ANO3: variants seen among roughly 807,000 people sequenced by gnomAD.
ANO3 encodes anoctamin-3.
ANO3 carries 99 observed loss-of-function variants against 144.8 expected under a neutral mutation model. That is an observed-to-expected ratio of 0.68 (90% CI 0.58 to 0.81). ANO3 has a LOEUF of 0.81. Among genes scored for constraint, ANO3 ranks in the 30% least tolerant of loss-of-function variants. ANO3 has a pLI of 0.00. For missense variants in ANO3, 905 were observed against 1,202.2 expected (o/e 0.75, Z 3.66); for synonymous variants, 414 against 392.6 (o/e 1.05, Z -0.64).
In ANO3 at chr11:26,460,195, C is replaced by G. The variant is rs149525592; in HGVS notation, c.314-2835C>G. ...ATTATTTGTTTTCTTAGTTAATTTA[C>G]TTCAATTTTTCTACTTCTGTTATAT... On this transcript the variant is annotated intron_variant, in intron 3 of 26. Coordinates refer to ENST00000256737, the MANE Select transcript of ANO3 (RefSeq NM_031418.4). The G allele has an allele frequency of 4.7e-3, 1,736 of 368,954 alleles. 35 individuals are homozygous for G. The highest frequency in any genetic ancestry group is 0.034 in the African/African-American group (1,551 of 46,044). The allele number at this position is 368,954 out of a possible 1,614,324, so 22.9% of individuals were successfully genotyped here.
intron 1 of ANO3, among the ~76,000 whole-genome samples, chr11:26,420,401 G>T (rs968212303): frequency 2.0e-5 from 3 of 151,948 alleles, no homozygotes; most frequent in African/African-American, 7.2e-5. Context: ...GATTCATCCT[G>T]CCCCTCTTAC....
At chr11:26,309,081 G>A (rs1854449519), upstream of ANO3, among the ~76,000 whole-genome samples, 1 of 152,074 alleles carries the variant, frequency 6.6e-6, no homozygotes, top group Non-Finnish European at 1.5e-5. Context: ...TTTTTTAATA[G>A]GAATGATTGT....
At chr11:26,224,568 T>C (rs895153504) in intron 1 of ANO3, among the ~76,000 whole-genome samples, 2 of 152,210 alleles carry the variant, frequency 1.3e-5, no homozygotes, top group African/African-American at 4.8e-5. Context: ...GCACACTGCT[T>C]CATCCAGTGG....
intron 1 of ANO3, among the ~76,000 whole-genome samples, chr11:26,226,448 T>C (rs1852259090): frequency 1.3e-5 from 2 of 152,142 alleles, no homozygotes; most frequent in Admixed American, 1.3e-4. Flanking sequence ...AATATATGAA[T>C]GAAAAACAAA....
At chr11:26,563,466 C>T (rs144443295) in intron 14 of ANO3, among the ~76,000 whole-genome samples, 4 of 149,236 alleles carry the variant, frequency 2.7e-5, no homozygotes, top group East Asian at 2.0e-4. Context: ...TATGGGCAAA[C>T]GTATTTGTTG....
rs1328131447 is a variant in ANO3 at position 26,293,541 on chromosome 11, A to ATATATATC, written c.155-16097_155-16096insCTATATAT. On this transcript the variant is annotated intron_variant, in intron 1 of 27. Transcript: ENST00000672621. ...GGGTCTATAAATTCCATGTATATAT[A>ATATATATC]TATATATATATATATATATATATAT... Among the ~76,000 whole-genome samples the ATATATATC allele has an allele frequency of 1.3e-4, 14 of 105,564 alleles. No homozygotes were observed. The South Asian group carries it at 2.4e-3, about 18-fold the overall frequency. The allele number at this position is 105,564 out of a possible 152,430, so 69.3% of individuals were successfully genotyped here.
chr11:26,538,493 A>G (rs1849567113), intron 10 of ANO3, among the ~76,000 whole-genome samples: 1 of 152,208 alleles, frequency 6.6e-6, no homozygotes, highest in African/African-American at 2.4e-5. Flanking sequence ...ACAGCTGAAG[A>G]AACAAAGCTC....
At chr11:26,304,890 C>T (rs1404265640), upstream of ANO3, among the ~76,000 whole-genome samples, 2 of 152,012 alleles carry the variant, frequency 1.3e-5, no homozygotes, top group African/African-American at 4.8e-5. Context: ...TACCAAATTG[C>T]TCTCCAACCA....
At chr11:26,467,966 G>T (rs936388104) in intron 4 of ANO3, among the ~76,000 whole-genome samples, 1 of 151,784 alleles carries the variant, frequency 6.6e-6, no homozygotes, top group Non-Finnish European at 1.5e-5. Context: ...TTTTAAGATG[G>T]TTTGGGTAAA....
At position 26,383,888 on chromosome 11, in the gene ANO3, C is replaced by CTTTT. The variant is rs61094091; in HGVS notation, c.46+51591_46+51594dup. The stretch of plus-strand genomic sequence containing the variant: ...CATTGTTCTTGTGCCATGCATTGTT[C>CTTTT]TTTTTTTTTTTTTTTTTTTTTTTTT... On this transcript the variant is annotated intron_variant, in intron 1 of 26. Transcript: ENST00000256737. Among the ~76,000 whole-genome samples, 180 of 70,170 alleles carry CTTTT rather than the reference C, an allele frequency of 2.6e-3. 43 individuals carry two copies. The highest frequency in any genetic ancestry group is 4.2e-3 in the African/African-American group (74 of 17,744). The allele number at this position is 70,170 out of a possible 152,430, so 46.0% of individuals were successfully genotyped here. A position where few individuals can be genotyped will look rare whatever the true frequency, so the allele number is the denominator to read the frequency against.
At chr11:26,408,730 G>C (rs1458353696) in intron 1 of ANO3, among the ~76,000 whole-genome samples, 1 of 151,024 alleles carries the variant, frequency 6.6e-6, no homozygotes, top group Non-Finnish European at 1.5e-5. Context: ...CAACCCAAAT[G>C]TCCAACAATG....
chr11:26,470,943 C>T (rs1859759721), intron 4 of ANO3, among the ~76,000 whole-genome samples: 1 of 152,032 alleles, frequency 6.6e-6, no homozygotes, highest in Non-Finnish European at 1.5e-5. Context: ...TGACAATAGC[C>T]ATTCAGGACT....
At chr11:26,323,790 C>T (rs990456461) in intron 1 of ANO3, among the ~76,000 whole-genome samples, 6 of 152,012 alleles carry the variant, frequency 3.9e-5, no homozygotes, top group Non-Finnish European at 8.8e-5. Flanking sequence ...GAAATCAATC[C>T]AAAGCTTTCA....
intron 14 of ANO3, among the ~76,000 whole-genome samples, chr11:26,583,339 T>A (rs916317591): frequency 1.3e-5 from 2 of 152,236 alleles, no homozygotes; most frequent in African/African-American, 4.8e-5. Flanking sequence ...ACAATCTTCT[T>A]TCTTATTTAA....
intron 5 of ANO3, among the ~76,000 whole-genome samples, chr11:26,511,606 G>A (rs975380038): frequency 6.6e-6 from 1 of 152,116 alleles, no homozygotes; most frequent in African/African-American, 2.4e-5. Context: ...TGGCTGAAAA[G>A]GAAAGTAAAT....
chr11:26,589,148 TC>T (rs572506744), intron 14 of ANO3, among the ~76,000 whole-genome samples: 48 of 152,338 alleles, frequency 3.2e-4, no homozygotes, highest in African/African-American at 9.4e-4. Context: ...AGAGTTTTGG[TC>T]CTGGCTCTGC....
intron 1 of ANO3, among the ~76,000 whole-genome samples, chr11:26,311,080 A>G (rs559590226): frequency 6.6e-6 from 1 of 152,318 alleles, no homozygotes; most frequent in South Asian, 2.1e-4. Flanking sequence ...TACGGAATGG[A>G]AATTAGAAAG....
intron 1 of ANO3, among the ~76,000 whole-genome samples, chr11:26,296,740 C>A (rs1854098732): frequency 6.6e-6 from 1 of 152,088 alleles, no homozygotes; most frequent in Non-Finnish European, 1.5e-5. Flanking sequence ...AAGCACTCAC[C>A]TTTCCACAGC....
intron 14 of ANO3, among the ~76,000 whole-genome samples, chr11:26,571,044 C>T (rs1440761628): frequency 1.3e-5 from 2 of 152,018 alleles, no homozygotes; most frequent in African/African-American, 2.4e-5. Flanking sequence ...AGTTTGAGAA[C>T]ATTATTCTGG....
Sources: gnomAD v4.1 joint callset for allele counts (sites outside exome capture counted in the v4.1 genomes callset) on GRCh38, gnomAD v4.1.1 for gene constraint, MANE v1.5 for transcripts, NCBI Gene and HGNC (gene_info 2026-07-23, HGNC 2026-07-21) for gene names.